The following KCNQ3 variants were observed in gnomAD, a reference collection of about 807,000 sequenced individuals.
KCNQ3 encodes the protein potassium voltage-gated channel subfamily KQT member 3.
A neutral mutation model predicts 92.5 loss-of-function variants in KCNQ3; 30 were observed. The ratio of observed to expected loss-of-function variants is 0.32; its 90% CI spans 0.24 to 0.44. KCNQ3 has a LOEUF of 0.44. Ranked by LOEUF, KCNQ3 falls within the 20% of genes least tolerant of loss-of-function variation. The pLI is 1.00. For synonymous variants in KCNQ3, 450 were observed against 468.8 expected (o/e 0.96, Z 0.52); for missense variants, 913 against 1,140.3 (o/e 0.80, Z 2.87).
intron 1 of KCNQ3, among the ~76,000 whole-genome samples, chr8:132,385,868 A>G (rs756231812): frequency 1.3e-5 from 2 of 152,222 alleles, no homozygotes; most frequent in African/African-American, 2.4e-5. Flanking sequence ...CAAGATGGTA[A>G]TGATGATGGA....
rs186075607 is a variant in KCNQ3, at chr8:132,253,624, G to A, written c.387-67443C>T. ...TGTGTTTGCATTTTCCCTCTGCTTC[G>A]TTTTCCTCTGCTTTATACATTTATT... On this transcript the variant is annotated intron_variant, in intron 1 of 14. Coordinates refer to ENST00000388996, the MANE Select transcript of KCNQ3 (RefSeq NM_004519.4). Among the ~76,000 whole-genome samples the A allele has an allele frequency of 8.3e-4, 127 of 152,212 alleles. 1 individual carries two copies. Among genetic ancestry groups the A allele is most frequent in the African/African-American group, 2.9e-3 (120 of 41,534 alleles).
At chr8:132,347,356 G>A (rs1818720356) in intron 1 of KCNQ3, among the ~76,000 whole-genome samples, 1 of 152,132 alleles carries the variant, frequency 6.6e-6, no homozygotes, top group African/African-American at 2.4e-5. Flanking sequence ...TGATGATGAT[G>A]GTGATGATCT....
rs547120992 is a variant in KCNQ3, at chr8:132,267,953, A to G, written c.387-81772T>C. On this transcript the variant is annotated intron_variant, in intron 1 of 14. Coordinates refer to ENST00000388996, the MANE Select transcript of KCNQ3 (RefSeq NM_004519.4). Reference sequence around the variant, plus strand: ...GACACATCATTATCACTTAGAATCTATAGTTCACATTAGGGTTCACTCCTG... The same window carrying G: ...GACACATCATTATCACTTAGAATCTGTAGTTCACATTAGGGTTCACTCCTG... 3.4e-4 allele frequency among the ~76,000 whole-genome samples: 52 copies of G among 152,348 alleles called. 2 individuals are homozygous for G. In the South Asian group the frequency reaches 0.011, roughly 31 times the overall value.
intron 1 of KCNQ3, among the ~76,000 whole-genome samples, chr8:132,435,796 C>CA (rs1322314758): frequency 6.6e-6 from 1 of 152,076 alleles, no homozygotes; most frequent in East Asian, 1.9e-4. Context: ...ACAATCCTCC[C>CA]AAAGTGCTGG....
intron 1 of KCNQ3, among the ~76,000 whole-genome samples, chr8:132,255,868 G>A (rs147698033): frequency 5.0e-4 from 76 of 152,224 alleles, no homozygotes; most frequent in Middle Eastern, 3.4e-3. Context: ...AACGAACCCT[G>A]GGGGATCTAA....
chr8:132,357,655 G>A lies in KCNQ3; in HGVS notation c.386+122492C>T, dbSNP rs150902826. ...AGCCCTAAACTCATCACTCCATGTCGTCCAGATCTCCAAAGTCACAGCCCT... is the reference window on the plus strand; with the variant it reads ...AGCCCTAAACTCATCACTCCATGTCATCCAGATCTCCAAAGTCACAGCCCT... On this transcript the variant is annotated intron_variant, in intron 1 of 14. Coordinates refer to ENST00000388996, the MANE Select transcript of KCNQ3 (RefSeq NM_004519.4). Among the ~76,000 whole-genome samples the A allele has an allele frequency of 7.3e-4, 111 of 152,272 alleles. No individual in the cohort carries two copies. In the East Asian group the frequency reaches 0.016, roughly 22 times the overall value.
intron 9 of KCNQ3, among the ~76,000 whole-genome samples, chr8:132,159,966 T>C (rs546126724): frequency 1.3e-5 from 2 of 152,158 alleles, no homozygotes; most frequent in Admixed American, 6.6e-5. Context: ...CTGTGTCAGG[T>C]GTAGGAGATA....
intron 1 of KCNQ3, among the ~76,000 whole-genome samples, chr8:132,299,473 CG>C (rs1817149609): frequency 1.3e-5 from 2 of 152,078 alleles, no homozygotes; most frequent in Non-Finnish European, 2.9e-5. Context: ...TTGAGACCCA[CG>C]GGGGATGTTT....
intron 3 of KCNQ3, among the ~76,000 whole-genome samples, chr8:132,182,776 A>T (rs1179356233): frequency 6.6e-6 from 1 of 152,218 alleles, no homozygotes; most frequent in East Asian, 1.9e-4. Context: ...GGAGGGAAGA[A>T]AAATAGAGAG....
chr8:132,140,854 G>A, intron 10 of KCNQ3: 1 of 487,556 alleles, frequency 2.1e-6, no homozygotes, highest in South Asian at 2.2e-5. Context: ...TCATGGGGCG[G>A]GGGGTCGGGG....
rs1184655470 is a variant in KCNQ3, at chr8:132,124,146, C to A, written c.*5116G>T. Reference sequence around the variant, plus strand: ...CCTGCCTCTCTTCATTCCAAGATTCCTTCTGTTCTTTATTGTGGTAGACAA... The same window carrying A: ...CCTGCCTCTCTTCATTCCAAGATTCATTCTGTTCTTTATTGTGGTAGACAA... On this transcript the variant is annotated 3_prime_UTR_variant, in exon 15 of 15. Transcript: ENST00000388996. 1 of 152,134 alleles carries A rather than the reference C, an allele frequency of 6.6e-6. No homozygotes were observed. Among genetic ancestry groups the A allele is most frequent in the Non-Finnish European group, 1.5e-5 (1 of 68,020 alleles). The allele number at this position is 152,134 out of a possible 1,614,324, so 9.4% of individuals were successfully genotyped here. A position where few individuals can be genotyped will look rare whatever the true frequency, so the allele number is the denominator to read the frequency against.
chr8:132,209,782 G>C (rs1813794648), intron 1 of KCNQ3, among the ~76,000 whole-genome samples: 2 of 152,216 alleles, frequency 1.3e-5, no homozygotes, highest in Non-Finnish European at 1.5e-5. Context: ...AGGTAGGCTA[G>C]GCCAAGCTAT....
At chr8:132,170,853 A>G (rs1024837928) in intron 7 of KCNQ3, among the ~76,000 whole-genome samples, 4 of 151,722 alleles carry the variant, frequency 2.6e-5, no homozygotes, top group Admixed American at 2.6e-4. Context: ...CTCTACAAAA[A>G]AAAAAAAAAA....
intron 1 of KCNQ3, among the ~76,000 whole-genome samples, chr8:132,351,054 C>T (rs1279660676): frequency 6.6e-6 from 1 of 152,088 alleles, no homozygotes; most frequent in Non-Finnish European, 1.5e-5. Flanking sequence ...CCCTTCCCCA[C>T]ACCTCCACTC....
intron 1 of KCNQ3, among the ~76,000 whole-genome samples, chr8:132,332,868 A>G (rs1414107217): frequency 6.6e-6 from 1 of 151,984 alleles, no homozygotes; most frequent in Non-Finnish European, 1.5e-5. Flanking sequence ...TTCCTGCTGC[A>G]CTCACCTCTC....
chr8:132,204,806 G>A (rs1187080300), intron 1 of KCNQ3, among the ~76,000 whole-genome samples: 6 of 152,284 alleles, frequency 3.9e-5, no homozygotes, highest in African/African-American at 1.4e-4. Flanking sequence ...TTACATACCA[G>A]AGCGCTGCTA....
chr8:132,440,602 C>T (rs1017864525), intron 1 of KCNQ3, among the ~76,000 whole-genome samples: 9 of 152,128 alleles, frequency 5.9e-5, no homozygotes, highest in African/African-American at 2.2e-4. Context: ...GGAGGGGTTA[C>T]GTGACCCTTT....
At chr8:132,333,283 C>CAG (rs148865892) in intron 1 of KCNQ3, among the ~76,000 whole-genome samples, 14 of 150,722 alleles carry the variant, frequency 9.3e-5, no homozygotes, top group East Asian at 3.9e-4. Flanking sequence ...TAAGAAAGTT[C>CAG]AGAGAGAGAG....
At chr8:132,435,402 T>C (rs1821366458) in intron 1 of KCNQ3, among the ~76,000 whole-genome samples, 1 of 152,138 alleles carries the variant, frequency 6.6e-6, no homozygotes, top group South Asian at 2.1e-4. Context: ...GGGATCTCCT[T>C]ACAGCTAAGG....
Sources: gnomAD v4.1 joint callset for allele counts (sites outside exome capture counted in the v4.1 genomes callset) on GRCh38, gnomAD v4.1.1 for gene constraint, MANE v1.5 for transcripts, NCBI Gene and HGNC (gene_info 2026-07-23, HGNC 2026-07-21) for gene names.